The following AARSD1 variants were observed in gnomAD, a reference collection of about 807,000 sequenced individuals.
AARSD1 encodes the protein alanyl-tRNA synthetase domain containing 1.
A neutral mutation model predicts 48.7 loss-of-function variants in AARSD1; 44 were observed. The observed-to-expected ratio is 0.90, with a 90% CI of 0.71 to 1.16. The LOEUF is 1.16. AARSD1 is among the 50% of genes most tolerant of loss of function. The probability of loss-of-function intolerance (pLI) is 0.00; values close to 1 mark genes in which losing one functional copy is unlikely to be tolerated. For synonymous variants in AARSD1, 189 were observed against 194.9 expected (o/e 0.97, Z 0.25); for missense variants, 511 against 523.1 (o/e 0.98, Z 0.23).
intron 3 of AARSD1, chr17:42,960,849 G>A (rs1336939035): frequency 4.8e-5 from 10 of 206,388 alleles, no homozygotes; most frequent in Non-Finnish European, 7.7e-5. Context: ...GCCCTGCGAT[G>A]AACACACAGG....
chr17:42,964,300 C>T, intron 1 of AARSD1, 63 bp from the exon 2 acceptor site: 1 of 1,610,744 alleles, frequency 6.2e-7, no homozygotes, highest in Non-Finnish European at 8.5e-7. Flanking sequence ...CCTCTCCACA[C>T]CAGGACAGAA....
chr17:42,955,616 T>C lies in AARSD1; in HGVS notation c.794+226A>G, dbSNP rs929754436. 8.2e-5 allele frequency: 51 copies of C among 622,320 alleles called. 1 individual carries two copies. The Middle Eastern group carries it at 1.6e-3, about 19-fold the overall frequency. The allele number at this position is 622,320 out of a possible 1,614,324, so 38.5% of individuals were successfully genotyped here. ...ACCATGCCTGGCTAAGTTCTTTTTG[T>C]ATTTTTAGTAGAGACGGGGTTTCAC... On this transcript the variant is annotated intron_variant, in intron 7 of 11. Transcript: ENST00000427569.
chr17:42,957,892 G>C (rs1305734325), intron 3 of AARSD1, among the ~76,000 whole-genome samples: 1 of 152,160 alleles, frequency 6.6e-6, no homozygotes, highest in Non-Finnish European at 1.5e-5. Context: ...CAAGAGTGAT[G>C]ATGAGGAGAA....
intron 2 of AARSD1, 31 bp downstream of exon 2, chr17:42,964,075 G>C (rs775611857): frequency 6.2e-7 from 1 of 1,613,418 alleles, no homozygotes. Context: ...AAAGAAACTG[G>C]GGGCTTCCTG....
intron 9 of AARSD1, 101 bp from the exon 10 acceptor site, chr17:42,953,879 T>C: frequency 6.9e-7 from 1 of 1,459,214 alleles, no homozygotes; most frequent in African/African-American, 1.4e-5. Flanking sequence ...GCTGCCTATG[T>C]ACACATAAAG....
rs151078413 is a variant in AARSD1, at chr17:42,955,992, AAC to A, written c.664-22_664-21del. On this transcript the variant is annotated intron_variant, in intron 6 of 11. Transcript: ENST00000427569. ...AATGACCTACATGAGGCAAGGGGGT[AAC>A]ACACACACACACGTGTGCACATGCA... is the stretch of plus-strand genomic sequence containing the variant. 2.9e-3 allele frequency: 4,096 copies of A among 1,428,054 alleles called. No homozygotes were observed. Among genetic ancestry groups the A allele is most frequent in the East Asian group, 5.9e-3 (214 of 36,032 alleles). 88.5% of individuals were successfully genotyped at this position (1,428,054 alleles called of 1,614,324 possible).
At chr17:42,952,301 C>T (rs952834782) in intron 10 of AARSD1, among the ~76,000 whole-genome samples, 2 of 152,154 alleles carry the variant, frequency 1.3e-5, no homozygotes, top group Admixed American at 1.3e-4. Context: ...TCCCCTGAAA[C>T]CTCCCTATCC....
intron 10 of AARSD1, 99 bp from the exon 11 acceptor site, chr17:42,951,993 C>A: frequency 7.5e-7 from 1 of 1,334,740 alleles, no homozygotes; most frequent in African/African-American, 1.4e-5. Flanking sequence ...AGATTATTTC[C>A]CCCTAAACCA....
intron 4 of AARSD1, among the ~76,000 whole-genome samples, chr17:42,956,823 A>C (rs2049561481): frequency 6.8e-6 from 1 of 146,006 alleles, no homozygotes; most frequent in Non-Finnish European, 1.5e-5. Context: ...GCCCGCCACC[A>C]CGCCCGGCTA....
At position 42,959,165 on chromosome 17, in the gene AARSD1, C is replaced by T. The variant is rs368393001; in HGVS notation, c.332-1970G>A. ...TGAGCCAAGACTGCACCACTGCACT[C>T]CAGCCTGGGTGACAGAGCGAGACTT... On this transcript the variant is annotated intron_variant, in intron 3 of 11. Transcript: ENST00000427569. 5.7e-5 allele frequency among the ~76,000 whole-genome samples: 8 copies of T among 141,292 alleles called. No homozygotes were observed. The East Asian group carries it at 1.5e-3, about 27-fold the overall frequency. The allele number at this position is 141,292 out of a possible 152,430, so 92.7% of individuals were successfully genotyped here.
chr17:42,952,136 CT>C, intron 10 of AARSD1: 2 of 512,134 alleles, frequency 3.9e-6, no homozygotes, highest in Non-Finnish European at 7.0e-6. Context: ...CTGATCCTGG[CT>C]AAGCAGAAAA....
At chr17:42,959,758 G>C (rs1212744972) in intron 3 of AARSD1, among the ~76,000 whole-genome samples, 1 of 151,464 alleles carries the variant, frequency 6.6e-6, no homozygotes, top group East Asian at 2.0e-4. Flanking sequence ...CCACCTCCCA[G>C]GTTAAAGCGA....
rs141873043 is a variant in AARSD1 at position 42,961,325 on chromosome 17, G to C, written c.198C>G (p.Asp66Glu). The change falls in exon 3 of 12, where the codon GAC (aspartate) becomes GAG (glutamate). Residue 66 changes from aspartate to glutamate, a missense_variant. Coordinates refer to ENST00000427569, the MANE Select transcript of AARSD1 (RefSeq NM_001261434.2). ...GQPDDRGTINDISVLRVTRRG... is the reference protein window; with the variant it reads ...GQPDDRGTINEISVLRVTRRG... ...GGCGAGTCACTCTCAGCACAGAGAT[G>C]TCATTGATTGTACCACGGTCATCAG... The C allele has an allele frequency of 1.9e-6, 3 of 1,614,086 alleles. No homozygotes were observed. In the Admixed American group the frequency reaches 5.0e-5, roughly 27 times the overall value.
intron 9 of AARSD1, chr17:42,954,009 C>T: frequency 1.8e-6 from 1 of 559,878 alleles, no homozygotes; most frequent in Non-Finnish European, 3.2e-6. Flanking sequence ...TAGGATTCAC[C>T]AGGATAAGCA....
intron 7 of AARSD1, 52 bp from the exon 8 acceptor site, chr17:42,955,276 T>A: frequency 6.2e-7 from 1 of 1,606,958 alleles, no homozygotes; most frequent in Non-Finnish European, 8.5e-7. Flanking sequence ...TCGTTTCTGA[T>A]GTTGGGGACA....
chr17:42,952,300 A>C, intron 10 of AARSD1, among the ~76,000 whole-genome samples: 1 of 151,098 alleles, frequency 6.6e-6, no homozygotes, highest in African/African-American at 2.4e-5. Context: ...CTCCCCTGAA[A>C]CCTCCCTATC....
chr17:42,955,747 T>A (rs1030484687), intron 7 of AARSD1, 95 bp downstream of exon 7: 1 of 1,572,856 alleles, frequency 6.4e-7, no homozygotes. Context: ...GGCCGCACTT[T>A]ATCATTTACG....
intron 11 of AARSD1, among the ~76,000 whole-genome samples, chr17:42,951,423 T>G (rs1878438592): frequency 6.6e-6 from 1 of 152,022 alleles, no homozygotes. Context: ...TATGGTTATG[T>G]GCACCTGTAA....
chr17:42,961,028 CTGTTA>C (rs760060588), intron 3 of AARSD1, 159 bp downstream of exon 3: 42 of 1,164,302 alleles, frequency 3.6e-5, no homozygotes, highest in Non-Finnish European at 4.7e-5. Context: ...GTTCATGTTG[CTGTTA>C]TAACATTTAG....
Sources: gnomAD v4.1 joint callset for allele counts (sites outside exome capture counted in the v4.1 genomes callset) on GRCh38, gnomAD v4.1.1 for gene constraint, MANE v1.5 for transcripts, NCBI Gene and HGNC (gene_info 2026-07-23, HGNC 2026-07-21) for gene names.